Variants in ARHGEF4 observed in about 807,000 individuals in gnomAD.
The protein encoded by ARHGEF4 is Rho guanine nucleotide exchange factor 4, also known as APC-stimulated guanine nucleotide exchange factor 1.
A neutral mutation model predicts 162.0 loss-of-function variants in ARHGEF4; 119 were observed. That is an observed-to-expected ratio of 0.73 (90% CI 0.63 to 0.86). ARHGEF4 has a LOEUF of 0.86. Ranked by LOEUF, ARHGEF4 falls within the 40% of genes least tolerant of loss-of-function variation. ARHGEF4 has a pLI of 0.00. For missense variants in ARHGEF4, 2,488 were observed against 2,456.0 expected, an observed-to-expected ratio of 1.01 and a Z score of -0.28; for synonymous variants, 1,014 against 979.9, an observed-to-expected ratio of 1.03 and a Z score of -0.65.
In ARHGEF4 at chr2:130,957,936, G is replaced by A. The variant is rs145208039; in HGVS notation, c.3985+11301G>A. Among the ~76,000 whole-genome samples, 320 of 151,764 alleles carry A rather than the reference G, an allele frequency of 2.1e-3. 1 individual carries two copies. The highest frequency in any genetic ancestry group is 7.2e-3 in the African/African-American group (298 of 41,344). ...ACTCAGTCTGTAGTATCCAATTATA[G>A]CAGCCTGAACTAAGGCATTTTACAA... On this transcript the variant is annotated intron_variant, in intron 4 of 13. Coordinates refer to ENST00000409359, the MANE Select transcript of ARHGEF4 (RefSeq NM_001367493.1).
At chr2:130,998,480 C>T (rs1384575042) in intron 4 of ARHGEF4, among the ~76,000 whole-genome samples, 2 of 152,172 alleles carry the variant, frequency 1.3e-5, no homozygotes, top group Non-Finnish European at 2.9e-5. Flanking sequence ...CTATTCTCCC[C>T]GCACCTTTGG....
chr2:130,991,611 C>T lies in ARHGEF4; in HGVS notation c.3986-36334C>T, dbSNP rs548292570. 2.4e-4 allele frequency among the ~76,000 whole-genome samples: 37 copies of T among 152,362 alleles called. 1 individual carries two copies. In the South Asian group the frequency reaches 7.5e-3, roughly 31 times the overall value. On this transcript the variant is annotated intron_variant, in intron 4 of 13. Coordinates refer to ENST00000409359, the MANE Select transcript of ARHGEF4 (RefSeq NM_001367493.1). ...CGGGCCAGCGGCTGCAGAGGGTGTA[C>T]TGGGTTCCCCAGCAGTGCCAGCCCA... is the stretch of plus-strand genomic sequence containing the variant.
intron 4 of ARHGEF4, among the ~76,000 whole-genome samples, chr2:130,951,358 G>A (rs1370075167): frequency 6.6e-6 from 1 of 152,198 alleles, no homozygotes; most frequent in Non-Finnish European, 1.5e-5. Context: ...TTTAAAGTTA[G>A]AGATATGTGA....
chr2:130,922,526 T>C (rs1223152434), intron 2 of ARHGEF4, among the ~76,000 whole-genome samples: 1 of 152,086 alleles, frequency 6.6e-6, no homozygotes, highest in Non-Finnish European at 1.5e-5. Flanking sequence ...TGAGTACAAA[T>C]GTTGTTTATC....
chr2:131,010,773 G>A (rs1220538349), intron 4 of ARHGEF4, among the ~76,000 whole-genome samples: 2 of 152,218 alleles, frequency 1.3e-5, no homozygotes, highest in Non-Finnish European at 2.9e-5. Context: ...GGCAGAGCAA[G>A]TGTCTCTGTT....
At chr2:130,885,078 C>T (rs1679429793) in intron 1 of ARHGEF4, among the ~76,000 whole-genome samples, 1 of 152,102 alleles carries the variant, frequency 6.6e-6, no homozygotes, top group Non-Finnish European at 1.5e-5. Flanking sequence ...CCCTGGTATA[C>T]ATCACTTCTG....
chr2:130,878,625 C>A (rs1679011060), intron 1 of ARHGEF4, among the ~76,000 whole-genome samples: 1 of 152,198 alleles, frequency 6.6e-6, no homozygotes, highest in Non-Finnish European at 1.5e-5. Flanking sequence ...GGGATGGAAC[C>A]AGGCTGTGTA....
intron 4 of ARHGEF4, among the ~76,000 whole-genome samples, chr2:130,992,395 C>T (rs1293732892): frequency 6.6e-6 from 1 of 151,516 alleles, no homozygotes; most frequent in African/African-American, 2.4e-5. Flanking sequence ...TAACGCTCAC[C>T]GCGAAGGTCT....
chr2:130,979,438 T>A (rs1200082074), intron 4 of ARHGEF4, among the ~76,000 whole-genome samples: 1 of 152,096 alleles, frequency 6.6e-6, no homozygotes, highest in African/African-American at 2.4e-5. Flanking sequence ...AAAGACTGAA[T>A]TTAAAACTTG....
chr2:131,027,842 A>G, intron 4 of ARHGEF4, 103 bp from the exon 5 acceptor site: 3 of 1,395,062 alleles, frequency 2.2e-6, no homozygotes, highest in Non-Finnish European at 3.0e-6. Flanking sequence ...CCCCCTGCAG[A>G]AGAAGCATTT....
chr2:131,012,858 G>A (rs1329492117), intron 4 of ARHGEF4, among the ~76,000 whole-genome samples: 1 of 152,204 alleles, frequency 6.6e-6, no homozygotes, highest in Non-Finnish European at 1.5e-5. Context: ...TGGGATTAGA[G>A]GCGTGAGCCA....
At chr2:130,981,657 C>CAA (rs1293791852) in intron 4 of ARHGEF4, among the ~76,000 whole-genome samples, 6 of 74,640 alleles carry the variant, frequency 8.0e-5, no homozygotes, top group African/African-American at 2.3e-4. Flanking sequence ...GACTCCATCT[C>CAA]AAAAAAAAAA....
intron 1 of ARHGEF4, among the ~76,000 whole-genome samples, chr2:130,902,579 G>C (rs1439136732): frequency 6.6e-6 from 1 of 151,086 alleles, no homozygotes; most frequent in Admixed American, 6.6e-5. Flanking sequence ...GAGCGACAGA[G>C]CGAGACTCCA....
intron 4 of ARHGEF4, among the ~76,000 whole-genome samples, chr2:130,948,211 G>A (rs918573963): frequency 2.6e-5 from 4 of 152,226 alleles, no homozygotes; most frequent in African/African-American, 4.8e-5. Context: ...CAGCACATTC[G>A]AGGTGCTGGT....
At chr2:130,995,185 G>A (rs1342985848) in intron 4 of ARHGEF4, among the ~76,000 whole-genome samples, 1 of 152,200 alleles carries the variant, frequency 6.6e-6, no homozygotes, top group Non-Finnish European at 1.5e-5. Context: ...GTGAATGAAT[G>A]TGCAGCATCT....
chr2:130,933,998 T>C (rs1016048761), intron 3 of ARHGEF4, among the ~76,000 whole-genome samples: 2 of 152,210 alleles, frequency 1.3e-5, no homozygotes, highest in African/African-American at 4.8e-5. Context: ...TGTCGTTGTC[T>C]TCTTGGTTTT....
intron 4 of ARHGEF4, among the ~76,000 whole-genome samples, chr2:131,015,660 G>A (rs946550620): frequency 3.3e-5 from 5 of 152,214 alleles, no homozygotes; most frequent in African/African-American, 1.2e-4. Flanking sequence ...GAAGCCAAGG[G>A]CGGATCACCT....
intron 5 of ARHGEF4, among the ~76,000 whole-genome samples, chr2:131,031,929 C>CCCA (rs1488628062): frequency 6.6e-6 from 1 of 152,186 alleles, no homozygotes; most frequent in African/African-American, 2.4e-5. Flanking sequence ...CAGCTCCCTC[C>CCCA]CCACCACCAC....
At chr2:130,837,745 C>T (rs1330927787) in intron 1 of ARHGEF4, 4 of 345,214 alleles carry the variant, frequency 1.2e-5, no homozygotes, top group Non-Finnish European at 2.3e-5. Flanking sequence ...TGGTGCTGAG[C>T]TCCGATGGGC....
Sources: gnomAD v4.1 joint callset for allele counts (sites outside exome capture counted in the v4.1 genomes callset) on GRCh38, gnomAD v4.1.1 for gene constraint, MANE v1.5 for transcripts, NCBI Gene and HGNC (gene_info 2026-07-23, HGNC 2026-07-21) for gene names.